The following PDE4D variants were observed in gnomAD, a reference collection of about 807,000 sequenced individuals.
The protein encoded by PDE4D is 3',5'-cyclic-AMP phosphodiesterase 4D.
A neutral mutation model predicts 87.4 loss-of-function variants in PDE4D; 24 were observed. The observed-to-expected ratio is 0.27, with a 90% confidence interval of 0.20 to 0.39. The LOEUF (loss-of-function observed/expected upper bound fraction) is 0.39. Ranked by LOEUF, PDE4D falls within the 10% of genes least tolerant of loss-of-function variation. The pLI is 1.00. For missense variants in PDE4D, 714 were observed against 1,041.0 expected, an observed-to-expected ratio of 0.69 and a Z score of 4.32; for synonymous variants, 384 against 383.2, an observed-to-expected ratio of 1.00 and a Z score of -0.02.
At chr5:60,296,281 G>A (rs16877859) in intron 1 of PDE4D, among the ~76,000 whole-genome samples, 15,099 of 152,212 alleles carry the variant, frequency 0.099, 1,034 homozygotes, top group South Asian at 0.29. Flanking sequence ...ATAGCACCCT[G>A]GGGAGGAAGT....
At chr5:59,592,255 C>T in intron 1 of PDE4D, 1 of 505,694 alleles carries the variant, frequency 2.0e-6, no homozygotes, top group Non-Finnish European at 2.6e-6. Context: ...CATGACTTTC[C>T]ACTCCTGGCA....
chr5:59,402,105 CTTTTTATGT>C (rs1353186606), intron 1 of PDE4D, among the ~76,000 whole-genome samples: 1 of 152,154 alleles, frequency 6.6e-6, no homozygotes, highest in African/African-American at 2.4e-5. Flanking sequence ...AGAAAACCAA[CTTTTTATGT>C]TAGTATTTAA....
intron 5 of PDE4D, among the ~76,000 whole-genome samples, chr5:59,116,162 T>G (rs1000913929): frequency 6.6e-6 from 1 of 152,146 alleles, no homozygotes; most frequent in East Asian, 1.9e-4. Flanking sequence ...TTTCAGCATA[T>G]ATAGTACTGA....
intron 1 of PDE4D, among the ~76,000 whole-genome samples, chr5:59,303,062 T>C (rs1427306738): frequency 6.6e-6 from 1 of 152,208 alleles, no homozygotes; most frequent in Non-Finnish European, 1.5e-5. Context: ...TTTTAAAATT[T>C]TTTTATTATG....
At chr5:59,784,695 T>C (rs1313587190) in intron 1 of PDE4D, among the ~76,000 whole-genome samples, 4 of 152,172 alleles carry the variant, frequency 2.6e-5, no homozygotes, top group Admixed American at 2.6e-4. Context: ...TAAATTGATA[T>C]CAAGCCTGTT....
intron 1 of PDE4D, among the ~76,000 whole-genome samples, chr5:59,832,958 G>T (rs1247647112): frequency 1.3e-5 from 2 of 152,016 alleles, no homozygotes; most frequent in Non-Finnish European, 2.9e-5. Context: ...CGGAAGGAAC[G>T]TAAGGATGAA....
intron 1 of PDE4D, among the ~76,000 whole-genome samples, chr5:60,497,409 GT>G (rs1299082428): frequency 1.3e-5 from 2 of 150,792 alleles, no homozygotes; most frequent in Non-Finnish European, 3.0e-5. Flanking sequence ...TTTTGTTTTT[GT>G]TTTTGTTTTT....
At chr5:59,295,784 GC>G (rs1364375916) in intron 1 of PDE4D, among the ~76,000 whole-genome samples, 1 of 150,902 alleles carries the variant, frequency 6.6e-6, no homozygotes, top group Admixed American at 6.6e-5. Context: ...CCTACCTCAG[GC>G]CCCCTCAGAA....
chr5:59,296,877 G>A (rs1769214012), intron 1 of PDE4D, among the ~76,000 whole-genome samples: 1 of 152,122 alleles, frequency 6.6e-6, no homozygotes, highest in African/African-American at 2.4e-5. Flanking sequence ...TTAAAGGGAA[G>A]AATTCTGTGC....
chr5:59,821,358 T>G (rs1373885198), intron 1 of PDE4D, among the ~76,000 whole-genome samples: 1 of 152,206 alleles, frequency 6.6e-6, no homozygotes, highest in East Asian at 1.9e-4. Flanking sequence ...AAGTTAGTGA[T>G]GCCAAAAAAG....
intron 1 of PDE4D, among the ~76,000 whole-genome samples, chr5:60,208,948 G>A (rs1742859656): frequency 6.6e-6 from 1 of 152,116 alleles, no homozygotes; most frequent in African/African-American, 2.4e-5. Context: ...GGGTTAGGCA[G>A]CCAGTGACAA....
rs1743483059 is a variant in PDE4D at position 58,975,462 on chromosome 5, T to C, written c.2013+195A>G. Among the ~76,000 whole-genome samples, 1 of 152,206 alleles carries C rather than the reference T, an allele frequency of 6.6e-6. No individual in the cohort carries two copies. The highest frequency in any genetic ancestry group is 1.9e-4 in the East Asian group (1 of 5,198). ...ATAATAAATGAATATGTCTTTAGAA[T>C]ATATATATGACTATATGAATGTAAG... is the stretch of plus-strand genomic sequence containing the variant. On this transcript the variant is annotated intron_variant, in intron 14 of 14. Transcript: ENST00000340635. The surrounding 1 kb of genome is among the most constrained non-coding windows in gnomAD (Gnocchi z 4.2).
chr5:58,987,420 A>G (rs556444056), intron 11 of PDE4D, among the ~76,000 whole-genome samples: 1 of 152,322 alleles, frequency 6.6e-6, no homozygotes, highest in East Asian at 1.9e-4. Flanking sequence ...TCATTAGAGT[A>G]TATTTTGCTA....
chr5:59,647,173 G>A (rs1479501493), intron 1 of PDE4D, among the ~76,000 whole-genome samples: 2 of 152,114 alleles, frequency 1.3e-5, no homozygotes, highest in Non-Finnish European at 2.9e-5. Flanking sequence ...CTTTCATCAA[G>A]TTCATCAAAT....
rs1179418911 is a variant in PDE4D at position 59,033,356 on chromosome 5, AG to A, written c.921+5502del. On this transcript the variant is annotated intron_variant, in intron 6 of 14. Coordinates refer to ENST00000340635, the MANE Select transcript of PDE4D (RefSeq NM_001104631.2). ...CTACTGATCTCTCTACATTCTAGAAAGATCTCAGACTAACAGTGTCAATTAA... is the reference window on the plus strand; with the variant it reads ...CTACTGATCTCTCTACATTCTAGAAAATCTCAGACTAACAGTGTCAATTAA... 2.6e-5 allele frequency among the ~76,000 whole-genome samples: 4 copies of A among 152,240 alleles called. No homozygotes were observed. In the East Asian group the frequency reaches 7.7e-4, roughly 29 times the overall value.
chr5:59,386,207 A>G (rs1237757653), intron 1 of PDE4D, among the ~76,000 whole-genome samples: 1 of 152,178 alleles, frequency 6.6e-6, no homozygotes, highest in Non-Finnish European at 1.5e-5. Context: ...GTTGGCATGA[A>G]TTAAAAACAA....
chr5:59,590,132 C>T (rs967608519), intron 1 of PDE4D, among the ~76,000 whole-genome samples: 19 of 152,100 alleles, frequency 1.2e-4, no homozygotes, highest in African/African-American at 4.6e-4. Flanking sequence ...ATAGAAATAA[C>T]TCATTTCCAG....
At chr5:60,298,071 A>G (rs4502776) in intron 1 of PDE4D, among the ~76,000 whole-genome samples, 41,318 of 152,042 alleles carry the variant, frequency 0.27, 6,866 homozygotes, top group African/African-American at 0.46. Context: ...CTATGAATTC[A>G]TCATTTGGCT....
At chr5:59,275,342 C>T in intron 1 of PDE4D, 1 of 1,595,172 alleles carries the variant, frequency 6.3e-7, no homozygotes, top group Non-Finnish European at 8.5e-7. Flanking sequence ...CGTTACCAAA[C>T]TGCCTCTGCA....
Sources: gnomAD v4.1 joint callset for allele counts (sites outside exome capture counted in the v4.1 genomes callset) on GRCh38, gnomAD v4.1.1 for gene constraint, Gnocchi (gnomAD v3.1) non-coding constraint, MANE v1.5 for transcripts, NCBI Gene and HGNC (gene_info 2026-07-23, HGNC 2026-07-21) for gene names.